Variants in SLC44A1 observed in about 807,000 individuals in gnomAD.
SLC44A1 encodes the protein choline transporter-like protein 1.
A neutral mutation model predicts 79.3 loss-of-function variants in SLC44A1; 26 were observed. The observed-to-expected ratio is 0.33, with a 90% confidence interval of 0.24 to 0.46. The LOEUF is 0.46. Ranked by LOEUF, SLC44A1 falls within the 20% of genes least tolerant of loss-of-function variation. The pLI, the probability that SLC44A1 is intolerant of heterozygous loss-of-function variation, is 1.00. For missense variants in SLC44A1, 688 were observed against 798.1 expected (o/e 0.86, Z 1.66); for synonymous variants, 263 against 286.2 (o/e 0.92, Z 0.82).
At chr9:105,323,944 C>T (rs1369841906) in intron 3 of SLC44A1, among the ~76,000 whole-genome samples, 1 of 152,154 alleles carries the variant, frequency 6.6e-6, no homozygotes, top group Non-Finnish European at 1.5e-5. Context: ...CCCACTGCAG[C>T]CATTCTTCGA....
At chr9:105,378,756 A>G (rs1331234767) in intron 13 of SLC44A1, among the ~76,000 whole-genome samples, 1 of 152,168 alleles carries the variant, frequency 6.6e-6, no homozygotes, top group African/African-American at 2.4e-5. Context: ...TGGTCATAGA[A>G]TACAGTAAAT....
chr9:105,264,968 G>T (rs1829926592), intron 1 of SLC44A1, among the ~76,000 whole-genome samples: 1 of 151,962 alleles, frequency 6.6e-6, no homozygotes. Flanking sequence ...GGCTAATTTT[G>T]TATTTTTAGT....
At chr9:105,370,680 TCTC>T (rs1300055914) in intron 12 of SLC44A1, among the ~76,000 whole-genome samples, 2 of 152,202 alleles carry the variant, frequency 1.3e-5, no homozygotes, top group African/African-American at 4.8e-5. Flanking sequence ...TGTTGGGCAT[TCTC>T]CTCGTGTAAG....
intron 3 of SLC44A1, among the ~76,000 whole-genome samples, chr9:105,319,758 C>T (rs957467241): frequency 6.6e-6 from 1 of 152,216 alleles, no homozygotes; most frequent in African/African-American, 2.4e-5. Flanking sequence ...AAGTCCAGAT[C>T]TCTTTCTGAG....
intron 1 of SLC44A1, among the ~76,000 whole-genome samples, chr9:105,261,842 C>T (rs1034251678): frequency 3.4e-5 from 5 of 147,206 alleles, no homozygotes; most frequent in East Asian, 2.0e-4. Context: ...TGCAATGGCA[C>T]GATCTCGGCT....
chr9:105,263,428 T>C (rs1363419898), intron 1 of SLC44A1, among the ~76,000 whole-genome samples: 1 of 152,202 alleles, frequency 6.6e-6, no homozygotes, highest in Non-Finnish European at 1.5e-5. Context: ...CATGTCTGAA[T>C]GTCAGACTTT....
chr9:105,366,290 T>A, intron 11 of SLC44A1, 56 bp from the exon 12 acceptor site: 1 of 894,096 alleles, frequency 1.1e-6, no homozygotes, highest in Non-Finnish European at 1.7e-6. Flanking sequence ...TGAAGTCTTC[T>A]ATGTGACAGT....
intron 12 of SLC44A1, among the ~76,000 whole-genome samples, chr9:105,370,044 A>G (rs1828052093): frequency 6.6e-6 from 1 of 152,204 alleles, no homozygotes; most frequent in African/African-American, 2.4e-5. Context: ...GCTAAATGTT[A>G]ATCAGTGATG....
chr9:105,413,599 C>G (rs74658137), intron 15 of SLC44A1, among the ~76,000 whole-genome samples: 147 of 152,366 alleles, frequency 9.6e-4, no homozygotes, highest in African/African-American at 3.3e-3. Flanking sequence ...GGCTTGATGT[C>G]TTCTGGGCTT....
chr9:105,318,301 C>T (rs1826266032), intron 3 of SLC44A1, among the ~76,000 whole-genome samples: 1 of 152,168 alleles, frequency 6.6e-6, no homozygotes, highest in African/African-American at 2.4e-5. Flanking sequence ...CTGCCTTAGC[C>T]TCCCAAGTAG....
chr9:105,341,204 A>G (rs908277639), intron 4 of SLC44A1, among the ~76,000 whole-genome samples: 1 of 151,962 alleles, frequency 6.6e-6, no homozygotes, highest in Non-Finnish European at 1.5e-5. Flanking sequence ...GCATGGTGGC[A>G]TGTGCCTGTA....
At chr9:105,315,428 A>G (rs1371173535) in intron 3 of SLC44A1, among the ~76,000 whole-genome samples, 3 of 152,130 alleles carry the variant, frequency 2.0e-5, no homozygotes, top group Admixed American at 2.0e-4. Context: ...ATCTACACAT[A>G]TACAGAATAG....
chr9:105,363,413 G>A (rs949168308), intron 9 of SLC44A1, among the ~76,000 whole-genome samples: 2 of 151,180 alleles, frequency 1.3e-5, no homozygotes, highest in African/African-American at 4.9e-5. Flanking sequence ...AGGTCAGGAC[G>A]CCTGCCTTGG....
chr9:105,307,301 T>C (rs372711194), intron 2 of SLC44A1, among the ~76,000 whole-genome samples: 21 of 152,314 alleles, frequency 1.4e-4, no homozygotes, highest in African/African-American at 4.8e-4. Flanking sequence ...CAGGTCTTAC[T>C]GAATACGAAG....
chr9:105,349,624 G>T (rs916290846), intron 5 of SLC44A1, among the ~76,000 whole-genome samples: 7 of 152,122 alleles, frequency 4.6e-5, no homozygotes, highest in African/African-American at 1.7e-4. Flanking sequence ...GAGAATATTA[G>T]GGAGGCTGTG....
chr9:105,361,479 A>G, intron 8 of SLC44A1, 149 bp downstream of exon 8: 1 of 747,114 alleles, frequency 1.3e-6, no homozygotes, highest in South Asian at 2.4e-5. Flanking sequence ...GAAACACTAA[A>G]AAGTCTCTTG....
At chr9:105,298,520 T>C (rs1048794347) in intron 1 of SLC44A1, among the ~76,000 whole-genome samples, 2 of 152,142 alleles carry the variant, frequency 1.3e-5, no homozygotes, top group African/African-American at 2.4e-5. Context: ...CAGCTAATGT[T>C]TGTATTTTTA....
At chr9:105,306,405 C>T (rs1315579653) in intron 2 of SLC44A1, among the ~76,000 whole-genome samples, 2 of 152,036 alleles carry the variant, frequency 1.3e-5, no homozygotes, top group Non-Finnish European at 2.9e-5. Flanking sequence ...TTCCCACATT[C>T]GGATTTTAGA....
At chr9:105,273,779 ACT>A in intron 1 of SLC44A1, among the ~76,000 whole-genome samples, 1 of 151,872 alleles carries the variant, frequency 6.6e-6, no homozygotes, top group Admixed American at 6.6e-5. Flanking sequence ...CTCTAAAATC[ACT>A]GTTTTTGCTT....
Sources: allele counts gnomAD v4.1 joint callset (sites outside exome capture counted in the v4.1 genomes callset), GRCh38; gene constraint gnomAD v4.1.1; transcripts MANE v1.5; gene names NCBI Gene and HGNC (gene_info 2026-07-23, HGNC 2026-07-21).